Variants in SP140 observed in about 807,000 individuals in gnomAD.
SP140 encodes SP140 nuclear body protein, also known as nuclear body protein SP140.
A neutral mutation model predicts 125.0 loss-of-function variants in SP140; 81 were observed. The observed-to-expected ratio is 0.65, with a 90% CI of 0.54 to 0.78. The LOEUF (loss-of-function observed/expected upper bound fraction) is 0.78, where lower values mean the gene tolerates loss of function less well. Among genes scored for constraint, SP140 ranks in the 30% least tolerant of loss-of-function variants. The pLI is 0.00. For synonymous variants in SP140, 312 were observed against 354.0 expected, an observed-to-expected ratio of 0.88 and a Z score of 1.33; for missense variants, 858 against 1,037.0, an observed-to-expected ratio of 0.83 and a Z score of 2.37.
chr2:230,290,424 C>A, intron 18 of SP140, 36 bp from the exon 19 acceptor site: 2 of 1,600,718 alleles, frequency 1.2e-6, no homozygotes, highest in South Asian at 2.2e-5. Flanking sequence ...CGTGCCTTTG[C>A]AAAGTGAGAC....
In SP140 at chr2:230,283,231, A is replaced by G. The variant is rs372920518; in HGVS notation, c.1499-1115A>G. 3.3e-5 allele frequency among the ~76,000 whole-genome samples: 5 copies of G among 152,260 alleles called. No individual in the cohort carries two copies. In the East Asian group the frequency reaches 7.7e-4, roughly 24 times the overall value. ...TTCTTCTGAAAGACAGATATCACCA[A>G]TGCTCCTGTTTTCTCCCATACCTCT... On this transcript the variant is annotated intron_variant, in intron 15 of 26. Transcript: ENST00000392045.
chr2:230,250,802 T>C (rs936520623), intron 9 of SP140, among the ~76,000 whole-genome samples, 179 bp from the exon 10 acceptor site: 2 of 152,122 alleles, frequency 1.3e-5, no homozygotes, highest in Non-Finnish European at 2.9e-5. Flanking sequence ...TTCTCAGCCT[T>C]GGTGACAGCA....
the SP140 span, among the ~76,000 whole-genome samples, chr2:230,192,907 G>A: frequency 2.0e-5 from 3 of 151,772 alleles, no homozygotes; most frequent in Non-Finnish European, 4.4e-5. Context: ...TTTCTTTTTT[G>A]ACTTTCTGTC....
At chr2:230,269,984 G>T (rs753188572) in intron 14 of SP140, 31 bp downstream of exon 14, 2 of 1,450,296 alleles carry the variant, frequency 1.4e-6, no homozygotes, top group South Asian at 2.3e-5. Flanking sequence ...TGGGATGGGG[G>T]TGGCTCAGTG....
chr2:230,271,621 T>C (rs1240215183), intron 15 of SP140, among the ~76,000 whole-genome samples: 1 of 152,184 alleles, frequency 6.6e-6, no homozygotes, highest in Non-Finnish European at 1.5e-5. Context: ...GCTAAGGAGA[T>C]TTCCAAACAC....
chr2:230,243,874 G>C lies in SP140; in HGVS notation c.571+63G>C. ...GTGTCAGGAGGTGGAATTCAGAGCT[G>C]GTGTTTCCTAATGCATTTTACTCTG... On this transcript the variant is annotated intron_variant, in intron 5 of 26. Coordinates refer to ENST00000392045, the MANE Select transcript of SP140 (RefSeq NM_007237.5). 5 of 1,155,822 alleles carry C rather than the reference G, an allele frequency of 4.3e-6. No individual in the cohort carries two copies. In the South Asian group the frequency reaches 6.1e-5, roughly 14 times the overall value. The allele number at this position is 1,155,822 out of a possible 1,614,324, so 71.6% of individuals were successfully genotyped here. A position where few individuals can be genotyped will look rare whatever the true frequency, so the allele number is the denominator to read the frequency against.
intron 19 of SP140, among the ~76,000 whole-genome samples, chr2:230,290,933 A>G (rs550979085): frequency 6.6e-6 from 1 of 152,326 alleles, no homozygotes; most frequent in South Asian, 2.1e-4. Flanking sequence ...TGCTTGGTAT[A>G]GGGAGATGAT....
At chr2:230,239,035 T>A in intron 3 of SP140, 1 of 1,405,058 alleles carries the variant, frequency 7.1e-7, no homozygotes, top group Non-Finnish European at 9.2e-7. Flanking sequence ...GGAGTTTAAT[T>A]TTTGGAAAAT....
chr2:230,298,302 A>T lies in SP140; in HGVS notation c.2058+840A>T, dbSNP rs372041157. 1.7e-4 allele frequency among the ~76,000 whole-genome samples: 26 copies of T among 152,224 alleles called. 1 individual carries two copies. The highest frequency in any genetic ancestry group is 1.5e-3 in the East Asian group (8 of 5,174). Reference sequence around the variant, plus strand: ...TTAGGCCGGGTCACCTTCTTGCACAACTCTGGGGGACAGCACTCACATAGA... The same window carrying T: ...TTAGGCCGGGTCACCTTCTTGCACATCTCTGGGGGACAGCACTCACATAGA... On this transcript the variant is annotated intron_variant, in intron 22 of 26. Transcript: ENST00000392045.
intron 22 of SP140, among the ~76,000 whole-genome samples, chr2:230,306,715 C>T (rs1050115151): frequency 1.3e-5 from 2 of 152,244 alleles, no homozygotes; most frequent in African/African-American, 4.8e-5. Context: ...CTGCTGCCTG[C>T]ACCCCTCTGG....
chr2:230,312,503 AG>A, intron 26 of SP140, 82 bp from the exon 27 acceptor site: 2 of 888,666 alleles, frequency 2.3e-6, no homozygotes, highest in Non-Finnish European at 3.5e-6. Flanking sequence ...TTTAAAGACA[AG>A]AGTCCTGATC....
intron 22 of SP140, among the ~76,000 whole-genome samples, chr2:230,308,376 A>G (rs144589519): frequency 5.7e-4 from 86 of 151,980 alleles, no homozygotes; most frequent in Non-Finnish European, 1.1e-3. Context: ...TGTTCCCCCA[A>G]AACTATTGAA....
At chr2:230,196,155 G>C in the SP140 span, among the ~76,000 whole-genome samples, 3 of 152,106 alleles carry the variant, frequency 2.0e-5, no homozygotes, top group African/African-American at 7.2e-5. Flanking sequence ...CAGCAAATTG[G>C]TAACATGTAT....
At chr2:230,311,823 C>G (rs936286397) in intron 26 of SP140, among the ~76,000 whole-genome samples, 4 of 152,240 alleles carry the variant, frequency 2.6e-5, no homozygotes, top group East Asian at 1.9e-4. Context: ...GCTCCTCCCC[C>G]ACCTGCCCCA....
At chr2:230,204,739 G>C (rs567151197) in intron 1 of SP140, among the ~76,000 whole-genome samples, 2 of 152,158 alleles carry the variant, frequency 1.3e-5, no homozygotes, top group South Asian at 4.1e-4. Flanking sequence ...GCTGGGTGCT[G>C]TAGAAATTAT....
chr2:230,295,344 T>C (rs1329887206), intron 21 of SP140, among the ~76,000 whole-genome samples: 8 of 152,254 alleles, frequency 5.3e-5, no homozygotes, highest in South Asian at 2.1e-4. Context: ...GATTTGAATT[T>C]TCAGCCACTG....
rs139071832 is a variant in SP140, at chr2:230,283,060, C to T, written c.1499-1286C>T. 8.5e-4 allele frequency among the ~76,000 whole-genome samples: 129 copies of T among 152,294 alleles called. 1 individual carries two copies. Among genetic ancestry groups the T allele is most frequent in the African/African-American group, 2.9e-3 (121 of 41,552 alleles). ...AAATGACTGAGAATAGTGGTGGAGA[C>T]TATGTCTAGAGGGTTCTGTGTGGGA... On this transcript the variant is annotated intron_variant, in intron 15 of 26. Coordinates refer to ENST00000392045, the MANE Select transcript of SP140 (RefSeq NM_007237.5).
chr2:230,316,183 T>C (rs751716321), downstream of SP140, among the ~76,000 whole-genome samples: 34 of 152,312 alleles, frequency 2.2e-4, no homozygotes, highest in Middle Eastern at 3.4e-3. Flanking sequence ...TATAGACTAT[T>C]CTGAATGACT....
chr2:230,221,077 T>C (rs2045775850), upstream of SP140, among the ~76,000 whole-genome samples: 1 of 151,784 alleles, frequency 6.6e-6, no homozygotes, highest in African/African-American at 2.4e-5. Flanking sequence ...GGTCAGGAGT[T>C]TGAGACCATC....
Sources: allele counts gnomAD v4.1 joint callset (sites outside exome capture counted in the v4.1 genomes callset), GRCh38; gene constraint gnomAD v4.1.1; transcripts MANE v1.5; gene names NCBI Gene and HGNC (gene_info 2026-07-23, HGNC 2026-07-21).